The following TMEM131L variants were observed in gnomAD, a reference collection of about 807,000 sequenced individuals.
TMEM131L encodes the protein transmembrane protein 131-like.
Under a neutral mutation model 192.2 loss-of-function variants are expected in TMEM131L, and 54 were observed. That is an observed-to-expected ratio of 0.28 (90% CI 0.23 to 0.35). TMEM131L has a LOEUF of 0.35. TMEM131L is among the 10% of genes least tolerant of loss of function. The probability of loss-of-function intolerance (pLI) is 1.00; values close to 1 mark genes in which losing one functional copy is unlikely to be tolerated. For missense variants in TMEM131L, 1,888 were observed against 1,972.9 expected (o/e 0.96, Z 0.82); for synonymous variants, 701 against 704.9 (o/e 0.99, Z 0.09).
chr4:153,553,217 G>A (rs1389021188), intron 4 of TMEM131L, among the ~76,000 whole-genome samples: 1 of 152,098 alleles, frequency 6.6e-6, no homozygotes, highest in African/African-American at 2.4e-5. Flanking sequence ...TTTTATATCA[G>A]TCCAGTGAAG....
At chr4:153,523,187 T>C (rs188953651) in intron 3 of TMEM131L, among the ~76,000 whole-genome samples, 37 of 152,356 alleles carry the variant, frequency 2.4e-4, no homozygotes, top group Middle Eastern at 6.8e-3. Flanking sequence ...AAATATAGTT[T>C]CTTGTGACTA....
At chr4:153,597,483 G>A (rs538979671) in intron 20 of TMEM131L, among the ~76,000 whole-genome samples, 3 of 152,124 alleles carry the variant, frequency 2.0e-5, no homozygotes, top group East Asian at 3.9e-4. Context: ...GCACTTAAAG[G>A]TTTTTAAATG....
chr4:153,554,615 A>G (rs1336451688), intron 4 of TMEM131L, among the ~76,000 whole-genome samples: 2 of 152,200 alleles, frequency 1.3e-5, no homozygotes, highest in African/African-American at 4.8e-5. Context: ...TATTTTTCCA[A>G]TTTTATTCCA....
At chr4:153,558,740 C>T (rs1325943701) in intron 7 of TMEM131L, 1 of 154,162 alleles carries the variant, frequency 6.5e-6, no homozygotes, top group Non-Finnish European at 1.4e-5. Flanking sequence ...TTTTGTAGAG[C>T]TTGTTAAATC....
intron 3 of TMEM131L, among the ~76,000 whole-genome samples, chr4:153,482,299 G>A (rs1371688852): frequency 6.6e-6 from 1 of 150,490 alleles, no homozygotes; most frequent in Non-Finnish European, 1.5e-5. Flanking sequence ...ACCATGGTCT[G>A]TGCAGCCATA....
chr4:153,509,460 C>T (rs1329427393), intron 3 of TMEM131L, among the ~76,000 whole-genome samples: 1 of 152,116 alleles, frequency 6.6e-6, no homozygotes. Flanking sequence ...GGTGTGGTGG[C>T]TCAAGCCTGT....
rs899148108 is a variant in TMEM131L at position 153,602,035 on chromosome 4, G to T, written c.2267-117G>T. Reference sequence around the variant, plus strand: ...TTTGAGCTTATGTTGGATTTTTTTCGCATTTTAGTAATGTAGATCATGGTT... The same window carrying T: ...TTTGAGCTTATGTTGGATTTTTTTCTCATTTTAGTAATGTAGATCATGGTT... On this transcript the variant is annotated intron_variant, in intron 21 of 34. Transcript: ENST00000409959. The T allele has an allele frequency of 8.8e-6, 5 of 570,414 alleles. No homozygotes were observed. The East Asian group carries it at 9.5e-5, about 11-fold the overall frequency. The allele number at this position is 570,414 out of a possible 1,614,324, so 35.3% of individuals were successfully genotyped here.
At chr4:153,550,190 A>C in intron 4 of TMEM131L, 49 bp downstream of exon 4, 1 of 768,794 alleles carries the variant, frequency 1.3e-6, no homozygotes, top group Non-Finnish European at 2.0e-6. Flanking sequence ...TATACTATTT[A>C]TTTTCAGAAT....
intron 3 of TMEM131L, among the ~76,000 whole-genome samples, chr4:153,504,890 TCAGAGTGAC>T (rs993431914): frequency 1.3e-5 from 2 of 152,202 alleles, no homozygotes; most frequent in Admixed American, 1.3e-4. Flanking sequence ...GCTTGTTTTT[TCAGAGTGAC>T]CAGCCTTGCT....
At chr4:153,618,818 C>T (rs530880148) in intron 26 of TMEM131L, among the ~76,000 whole-genome samples, 2 of 152,222 alleles carry the variant, frequency 1.3e-5, no homozygotes, top group Admixed American at 6.5e-5. Context: ...TGCTCTTCCT[C>T]GGATTTCTTG....
At chr4:153,573,434 T>C (rs1729725285) in intron 7 of TMEM131L, among the ~76,000 whole-genome samples, 1 of 152,228 alleles carries the variant, frequency 6.6e-6, no homozygotes, top group Admixed American at 6.5e-5. Context: ...ATCATCCAAT[T>C]GTATAAAAAT....
intron 9 of TMEM131L, among the ~76,000 whole-genome samples, 176 bp from the exon 10 acceptor site, chr4:153,583,011 GAAA>G (rs79074609): frequency 7.6e-6 from 1 of 131,216 alleles, no homozygotes; most frequent in African/African-American, 2.8e-5. Context: ...GATTAAAAAA[GAAA>G]AAAAAAAAGA....
At chr4:153,480,253 GGCATGAACCCGGGAGTCGGAGCTTGCA>G (rs1185117823) in intron 3 of TMEM131L, among the ~76,000 whole-genome samples, 4 of 152,124 alleles carry the variant, frequency 2.6e-5, no homozygotes, top group African/African-American at 9.7e-5. Context: ...GCAGGAGAAT[GGCATGAACCCGGGAGTCGGAGCTTGCA>G]GCGAGCCGAG....
rs987644967 is a variant in TMEM131L, at chr4:153,555,641, C to T, written c.309-146C>T. On this transcript the variant is annotated intron_variant, in intron 4 of 34. Transcript: ENST00000409959. This position sits in a 1 kb window ranked among gnomAD's most constrained non-coding sequence, Gnocchi z 4.1. Reference sequence around the variant, plus strand: ...TGAATTGAATGCTTTATTACCAACACGATTGGATAATTTAACTTTGTGATG... The same window carrying T: ...TGAATTGAATGCTTTATTACCAACATGATTGGATAATTTAACTTTGTGATG... 1.6e-4 allele frequency: 97 copies of T among 621,790 alleles called. No individual in the cohort carries two copies. The highest frequency in any genetic ancestry group is 1.3e-3 in the African/African-American group (67 of 52,958). The allele number at this position is 621,790 out of a possible 1,614,324, so 38.5% of individuals were successfully genotyped here. A position where few individuals can be genotyped will look rare whatever the true frequency, so the allele number is the denominator to read the frequency against.
chr4:153,596,971 C>A lies in TMEM131L; in HGVS notation c.2123+586C>A, dbSNP rs1339660756. Among the ~76,000 whole-genome samples, 5 of 152,184 alleles carry A rather than the reference C, an allele frequency of 3.3e-5. No individual in the cohort carries two copies. The East Asian group carries it at 7.7e-4, about 24-fold the overall frequency. ...GTCTTGAGAGTCTTTTAAAAATTTA[C>A]AGTAAATACAGATGTATCTTGAAGC... On this transcript the variant is annotated intron_variant, in intron 20 of 34. Coordinates refer to ENST00000409959, the MANE Select transcript of TMEM131L (RefSeq NM_001131007.2).
At chr4:153,478,686 T>G (rs1457476372) in intron 3 of TMEM131L, among the ~76,000 whole-genome samples, 1 of 152,244 alleles carries the variant, frequency 6.6e-6, no homozygotes, top group African/African-American at 2.4e-5. Context: ...TTGTCGGTTC[T>G]CATTTATTTA....
intron 7 of TMEM131L, among the ~76,000 whole-genome samples, chr4:153,562,836 G>C (rs1274046190): frequency 6.6e-6 from 1 of 152,224 alleles, no homozygotes; most frequent in African/African-American, 2.4e-5. Flanking sequence ...ATTTGAAATT[G>C]AGAGAAGAAA....
chr4:153,540,052 A>G (rs1028861850), intron 3 of TMEM131L, among the ~76,000 whole-genome samples: 1 of 152,094 alleles, frequency 6.6e-6, no homozygotes, highest in African/African-American at 2.4e-5. Context: ...CGGAGGTTGC[A>G]GTGAGCTGAG....
intron 3 of TMEM131L, among the ~76,000 whole-genome samples, chr4:153,490,191 C>T (rs899588872): frequency 6.6e-6 from 1 of 152,134 alleles, no homozygotes; most frequent in Admixed American, 6.5e-5. Flanking sequence ...CTTAACAGGT[C>T]TACTTTCAGG....
Sources: allele counts gnomAD v4.1 joint callset (sites outside exome capture counted in the v4.1 genomes callset), GRCh38; gene constraint gnomAD v4.1.1; non-coding constraint Gnocchi (gnomAD v3.1); transcripts MANE v1.5; gene names NCBI Gene and HGNC (gene_info 2026-07-23, HGNC 2026-07-21).